The following CACNA1B variants were observed in gnomAD, a reference collection of about 807,000 sequenced individuals.
The protein encoded by CACNA1B is voltage-dependent N-type calcium channel subunit alpha-1B.
In CACNA1B, 70 loss-of-function variants were observed where a neutral mutation model predicts 247.2. The observed-to-expected ratio is 0.28, with a 90% confidence interval of 0.23 to 0.35. The LOEUF is 0.35. Among genes scored for constraint, CACNA1B ranks in the 10% least tolerant of loss-of-function variants. The probability of loss-of-function intolerance (pLI) is 1.00; values close to 1 mark genes in which losing one functional copy is unlikely to be tolerated. For synonymous variants in CACNA1B, 1,231 were observed against 1,294.4 expected (o/e 0.95, Z 1.05); for missense variants, 2,367 against 3,197.4 (o/e 0.74, Z 6.26).
In CACNA1B at chr9:138,028,097, G is replaced by A. The variant is rs192220146; in HGVS notation, c.3286+2925G>A. Reference sequence around the variant, plus strand: ...CACCCTGGCTGGAGTGCAGTGGCACGGTCTCGGCTCTGCCTCCCAGGTTCA... The same window carrying A: ...CACCCTGGCTGGAGTGCAGTGGCACAGTCTCGGCTCTGCCTCCCAGGTTCA... On this transcript the variant is annotated intron_variant, in intron 20 of 46. Transcript: ENST00000371372. Among the ~76,000 whole-genome samples the A allele has an allele frequency of 8.1e-4, 113 of 138,890 alleles. No individual in the cohort carries two copies. In the Middle Eastern group the frequency reaches 0.011, roughly 14 times the overall value. The allele number at this position is 138,890 out of a possible 152,430, so 91.1% of individuals were successfully genotyped here. A position where few individuals can be genotyped will look rare whatever the true frequency, so the allele number is the denominator to read the frequency against.
In CACNA1B at chr9:137,891,587, C is replaced by G; in HGVS notation, c.530+8704C>G. 1 of 195,378 alleles carries G rather than the reference C, an allele frequency of 5.1e-6. No individual in the cohort carries two copies. Among genetic ancestry groups the G allele is most frequent in the Non-Finnish European group, 1.0e-5 (1 of 95,978 alleles). The allele number at this position is 195,378 out of a possible 1,614,324, so 12.1% of individuals were successfully genotyped here. A position where few individuals can be genotyped will look rare whatever the true frequency, so the allele number is the denominator to read the frequency against. Reference sequence around the variant, plus strand: ...ACCCCGGGAGGGTGGGAGCCTTGCTCCTGTGGGCACGTGGTGGTGGACACC... The same window carrying G: ...ACCCCGGGAGGGTGGGAGCCTTGCTGCTGTGGGCACGTGGTGGTGGACACC... On this transcript the variant is annotated intron_variant, in intron 3 of 46. Coordinates refer to ENST00000371372, the MANE Select transcript of CACNA1B (RefSeq NM_000718.4). The surrounding 1 kb of genome is among the most constrained non-coding windows in gnomAD (Gnocchi z 4.3).
chr9:137,925,867 G>A lies in CACNA1B; in HGVS notation c.966+8436G>A, dbSNP rs558179155. On this transcript the variant is annotated intron_variant, in intron 6 of 46. Transcript: ENST00000371372. Reference sequence around the variant, plus strand: ...ATGCCATTCTCCTACCTCAGCCTCCGGAGTAGCTGGGACTACAGGCACGCG... The same window carrying A: ...ATGCCATTCTCCTACCTCAGCCTCCAGAGTAGCTGGGACTACAGGCACGCG... Among the ~76,000 whole-genome samples, 6 of 147,618 alleles carry A rather than the reference G, an allele frequency of 4.1e-5. No homozygotes were observed. The South Asian group carries it at 8.8e-4, about 22-fold the overall frequency.
At chr9:137,912,507 A>T (rs1332072090) in intron 3 of CACNA1B, among the ~76,000 whole-genome samples, 6 of 152,220 alleles carry the variant, frequency 3.9e-5, no homozygotes, top group African/African-American at 1.4e-4. Context: ...GAGACCGAGG[A>T]TTGACACCAT....
intron 31 of CACNA1B, among the ~76,000 whole-genome samples, chr9:138,063,458 C>G (rs995489320): frequency 6.6e-6 from 1 of 152,226 alleles, no homozygotes; most frequent in Non-Finnish European, 1.5e-5. Context: ...CGCACCACTG[C>G]ACTCCAGCCT....
At chr9:137,879,835 G>A (rs1201817045) in intron 2 of CACNA1B, among the ~76,000 whole-genome samples, 1 of 152,208 alleles carries the variant, frequency 6.6e-6, no homozygotes, top group African/African-American at 2.4e-5. Context: ...GAGGGGCTGG[G>A]TCAGAGGAAG....
intron 20 of CACNA1B, among the ~76,000 whole-genome samples, chr9:138,026,230 T>C (rs1958919490): frequency 6.6e-6 from 1 of 152,228 alleles, no homozygotes; most frequent in Non-Finnish European, 1.5e-5. Context: ...CTCTAACTGC[T>C]CAGCCTCCCC....
intron 15 of CACNA1B, among the ~76,000 whole-genome samples, chr9:137,992,768 G>T (rs1958446903): frequency 6.7e-6 from 1 of 148,614 alleles, no homozygotes; most frequent in African/African-American, 2.5e-5. Flanking sequence ...CTGCACTCCA[G>T]CCTGGGCGAC....
At position 138,120,306 on chromosome 9, in the gene CACNA1B, C is replaced by A. The variant is rs200542494; in HGVS notation, c.6172C>A (p.Arg2058Ser). Residue 2058 changes from arginine to serine, a missense_variant, in exon 45 of 47, where the codon CGC becomes AGC. By Grantham distance (110) the Arg-to-Ser change is moderately radical. Coordinates refer to ENST00000371372, the MANE Select transcript of CACNA1B (RefSeq NM_000718.4). ...GCACCACCACCACCACCGCTGCCAC[C>A]GCCGCAGGGACAGGAAGCAGAGGTC... The part of the protein sequence containing the change: ...SSHHHHHRCH[R>S]RRDRKQRSLE... 6.4e-7 allele frequency: 1 copy of A among 1,567,218 alleles called. No homozygotes were observed. The highest frequency in any genetic ancestry group is 8.6e-7 in the Non-Finnish European group (1 of 1,160,452).
chr9:138,109,758 A>G (rs1453363936), intron 39 of CACNA1B, among the ~76,000 whole-genome samples: 1 of 152,236 alleles, frequency 6.6e-6, no homozygotes, highest in East Asian at 1.9e-4. Context: ...CGTAAAATCT[A>G]AAATTATGAA....
At position 138,057,289 on chromosome 9, in the gene CACNA1B, C is replaced by G. The variant is rs974022096; in HGVS notation, c.3969-443C>G. ...CATATTCTAAATACAACTCCCTTAT[C>G]AGACAGAGGATTAGGAAATAAGTAT... is the stretch of plus-strand genomic sequence containing the variant. On this transcript the variant is annotated intron_variant, in intron 26 of 46. Coordinates refer to ENST00000371372, the MANE Select transcript of CACNA1B (RefSeq NM_000718.4). This position sits in a 1 kb window ranked among gnomAD's most constrained non-coding sequence, Gnocchi z 4.0. 1.4e-4 allele frequency among the ~76,000 whole-genome samples: 21 copies of G among 152,176 alleles called. No individual in the cohort carries two copies. The highest frequency in any genetic ancestry group is 2.8e-4 in the Non-Finnish European group (19 of 68,036).
chr9:138,078,341 C>G, intron 36 of CACNA1B, 83 bp downstream of exon 36: 1 of 1,373,330 alleles, frequency 7.3e-7, no homozygotes, highest in Non-Finnish European at 1.0e-6. Context: ...CCTGCTGATC[C>G]CTGACTCTGA....
chr9:137,933,653 T>A (rs1416152369), intron 6 of CACNA1B, among the ~76,000 whole-genome samples: 1 of 152,210 alleles, frequency 6.6e-6, no homozygotes, highest in East Asian at 1.9e-4. Flanking sequence ...GGGCCCAAGA[T>A]TGGGCTGGGA....
intron 15 of CACNA1B, among the ~76,000 whole-genome samples, chr9:138,003,571 A>G (rs1958608047): frequency 6.6e-6 from 1 of 152,160 alleles, no homozygotes; most frequent in Admixed American, 6.5e-5. Flanking sequence ...TTTTAATACA[A>G]AAATAAAAGC....
intron 20 of CACNA1B, among the ~76,000 whole-genome samples, chr9:138,035,483 A>G (rs1959031401): frequency 6.6e-6 from 1 of 152,222 alleles, no homozygotes; most frequent in African/African-American, 2.4e-5. Flanking sequence ...AAGAAAAGAA[A>G]AAGATGACTG....
chr9:138,103,030 G>T (rs1024462030), intron 38 of CACNA1B, among the ~76,000 whole-genome samples: 1 of 152,036 alleles, frequency 6.6e-6, no homozygotes, highest in Non-Finnish European at 1.5e-5. Context: ...CTGGCCTCTT[G>T]TCCCCACAAC....
At chr9:137,964,587 C>T (rs1421810783) in intron 10 of CACNA1B, among the ~76,000 whole-genome samples, 3 of 152,100 alleles carry the variant, frequency 2.0e-5, no homozygotes, top group Non-Finnish European at 4.4e-5. Flanking sequence ...GCTATCAGTT[C>T]CTGTATTGTT....
chr9:138,022,938 T>A, intron 18 of CACNA1B, 73 bp from the exon 19 acceptor site: 1 of 1,429,806 alleles, frequency 7.0e-7, no homozygotes. Flanking sequence ...TTGCTGTGTG[T>A]GCATTGTGGC....
chr9:137,907,090 G>C (rs571270854), intron 3 of CACNA1B, among the ~76,000 whole-genome samples: 16 of 152,318 alleles, frequency 1.1e-4, no homozygotes, highest in Non-Finnish European at 2.2e-4. Context: ...ACCTTTCGCT[G>C]TGTGTGTATC....
Position 138,121,727 on chromosome 9 carries a change from C to G in CACNA1B, c.6748C>G (p.Pro2250Ala). Residue 2250 changes from proline (P) to alanine (A), a missense_variant, in exon 47 of 47, where the codon CCT becomes GCT. By Grantham distance (27) the Pro-to-Ala change is conservative. This residue lies in a region of CACNA1B where 773 missense variants were observed against 779.4 expected (regional missense o/e 0.99). Coordinates refer to ENST00000371372, the MANE Select transcript of CACNA1B (RefSeq NM_000718.4). The surrounding 1 kb of genome is among the most constrained non-coding windows in gnomAD (Gnocchi z 6.8). Reference protein sequence around the residue: ...QRDPLSQPLAPGSRIGSDPYL... With the variant: ...QRDPLSQPLAAGSRIGSDPYL... ...AGACCCCCTCAGCCAGCCCCTGGCCCCTGGCTCTCGAATTGGCTCTGACCC... is the reference window on the plus strand; with the variant it reads ...AGACCCCCTCAGCCAGCCCCTGGCCGCTGGCTCTCGAATTGGCTCTGACCC... 1 of 1,613,452 alleles carries G rather than the reference C, an allele frequency of 6.2e-7. No homozygotes were observed. Among genetic ancestry groups the G allele is most frequent in the Admixed American group, 1.7e-5 (1 of 60,036 alleles).
Sources: allele counts gnomAD v4.1 joint callset (sites outside exome capture counted in the v4.1 genomes callset), GRCh38; gene constraint gnomAD v4.1.1; regional missense constraint gnomAD v4.1.1; non-coding constraint Gnocchi (gnomAD v3.1); transcripts MANE v1.5; gene names NCBI Gene and HGNC (gene_info 2026-07-23, HGNC 2026-07-21).